The following KIRREL3 variants were observed in gnomAD, a reference collection of about 807,000 sequenced individuals.
KIRREL3 encodes the protein kin of IRRE-like protein 3.
KIRREL3 carries 36 observed loss-of-function variants against 89.7 expected under a neutral mutation model. The observed-to-expected ratio is 0.40, with a 90% CI of 0.31 to 0.53. The LOEUF (loss-of-function observed/expected upper bound fraction) is 0.53. KIRREL3 is among the 20% of genes least tolerant of loss of function. The pLI, the probability that KIRREL3 is intolerant of heterozygous loss-of-function variation, is 0.49. For missense variants in KIRREL3, 864 were observed against 1,056.6 expected (o/e 0.82, Z 2.53); for synonymous variants, 445 against 441.4 (o/e 1.01, Z -0.10).
chr11:126,483,162 G>A (rs562073467), intron 4 of KIRREL3, among the ~76,000 whole-genome samples: 2 of 152,320 alleles, frequency 1.3e-5, no homozygotes, highest in African/African-American at 4.8e-5. Flanking sequence ...GGAACTCAAA[G>A]AGGAATGCAG....
chr11:126,922,091 ATATC>A (rs1408084807), intron 1 of KIRREL3, among the ~76,000 whole-genome samples: 13 of 147,322 alleles, frequency 8.8e-5, no homozygotes, highest in Middle Eastern at 3.7e-3. Flanking sequence ...TCATCTATCT[ATATC>A]TATCTATCGA....
At position 126,578,342 on chromosome 11, in the gene KIRREL3, A is replaced by G. The variant is rs1451263632; in HGVS notation, c.56-15430T>C. Among the ~76,000 whole-genome samples the G allele has an allele frequency of 6.6e-6, 1 of 152,180 alleles. No homozygotes were observed. Among genetic ancestry groups the G allele is most frequent in the Non-Finnish European group, 1.5e-5 (1 of 68,036 alleles). On this transcript the variant is annotated intron_variant, in intron 1 of 16. Coordinates refer to ENST00000525144, the MANE Select transcript of KIRREL3 (RefSeq NM_032531.4). The surrounding 1 kb of genome is among the most constrained non-coding windows in gnomAD (Gnocchi z 4.9). ...GGTCCTTCCTCAGTATCTCACAAAG[A>G]AAGAGGAGGGCAAAATGGGAATTCA...
At chr11:126,926,184 G>A (rs1387560207) in intron 1 of KIRREL3, among the ~76,000 whole-genome samples, 1 of 152,224 alleles carries the variant, frequency 6.6e-6, no homozygotes, top group Non-Finnish European at 1.5e-5. Flanking sequence ...AGGACAGGTG[G>A]GTGGCAGACG....
intron 1 of KIRREL3, among the ~76,000 whole-genome samples, chr11:126,758,587 A>G (rs1050436242): frequency 5.3e-5 from 8 of 152,220 alleles, no homozygotes; most frequent in Admixed American, 3.9e-4. Flanking sequence ...CCAAAGTGCT[A>G]ATCACCTTTT....
chr11:126,499,100 C>T (rs574531038), intron 4 of KIRREL3, among the ~76,000 whole-genome samples: 12 of 139,490 alleles, frequency 8.6e-5, no homozygotes, highest in South Asian at 2.2e-4. Context: ...TGCAGTGAGC[C>T]GAGATTGTGC....
At chr11:126,787,630 G>A (rs1271409985) in intron 1 of KIRREL3, among the ~76,000 whole-genome samples, 1 of 152,178 alleles carries the variant, frequency 6.6e-6, no homozygotes, top group Admixed American at 6.5e-5. Flanking sequence ...TTGGTTAGAT[G>A]GAAGGGATGG....
In KIRREL3 at chr11:126,697,290, G is replaced by A. The variant is rs1565658083; in HGVS notation, c.56-134378C>T. ...CTTCCTCTATTGCCCTAGGCCCTGG[G>A]GTGAACTGCAGCCAGCACTGGCCTT... is the stretch of plus-strand genomic sequence containing the variant. On this transcript the variant is annotated intron_variant, in intron 1 of 16. Coordinates refer to ENST00000525144, the MANE Select transcript of KIRREL3 (RefSeq NM_032531.4). This position sits in a 1 kb window ranked among gnomAD's most constrained non-coding sequence, Gnocchi z 4.2. Among the ~76,000 whole-genome samples, 1 of 152,212 alleles carries A rather than the reference G, an allele frequency of 6.6e-6. No individual in the cohort carries two copies. Among genetic ancestry groups the A allele is most frequent in the Non-Finnish European group, 1.5e-5 (1 of 68,038 alleles).
At chr11:126,950,936 A>G (rs1948757252) in intron 1 of KIRREL3, among the ~76,000 whole-genome samples, 1 of 152,252 alleles carries the variant, frequency 6.6e-6, no homozygotes, top group South Asian at 2.1e-4. Flanking sequence ...CTGCCCCAAG[A>G]GGGCAAAGAA....
rs556543435 is a variant in KIRREL3 at position 126,969,419 on chromosome 11, G to A, written c.55+31036C>T. Among the ~76,000 whole-genome samples, 5 of 152,138 alleles carry A rather than the reference G, an allele frequency of 3.3e-5. No individual in the cohort carries two copies. The South Asian group carries it at 1.0e-3, about 32-fold the overall frequency. On this transcript the variant is annotated intron_variant, in intron 1 of 16. Coordinates refer to ENST00000525144, the MANE Select transcript of KIRREL3 (RefSeq NM_032531.4). This position sits in a 1 kb window ranked among gnomAD's most constrained non-coding sequence, Gnocchi z 4.9. ...GTTTGGGGTGCTATGGGAACTCAGA[G>A]GAGGGAAAAAAGCCACTGAGGAGGT...
At chr11:126,524,545 G>A (rs1591676658) in intron 3 of KIRREL3, among the ~76,000 whole-genome samples, 1 of 152,156 alleles carries the variant, frequency 6.6e-6, no homozygotes, top group Non-Finnish European at 1.5e-5. Context: ...TAATGTCTGC[G>A]AAGTACCTGA....
chr11:126,644,287 T>G (rs1286210617), intron 1 of KIRREL3, among the ~76,000 whole-genome samples: 1 of 151,780 alleles, frequency 6.6e-6, no homozygotes, highest in Non-Finnish European at 1.5e-5. Context: ...GCTAATAGAG[T>G]TCAGGGACTG....
At position 126,526,467 on chromosome 11, in the gene KIRREL3, C is replaced by T. The variant is rs1265201121; in HGVS notation, c.283+71G>A. On this transcript the variant is annotated intron_variant, in intron 3 of 16. Transcript: ENST00000525144. This position sits in a 1 kb window ranked among gnomAD's most constrained non-coding sequence, Gnocchi z 5.7. ...AGACACCTGTGAAGATGGGTGCTCC[C>T]TAGGAAGGTGGATGGGTGAGTAAGG... 4.1e-6 allele frequency: 6 copies of T among 1,465,766 alleles called. No homozygotes were observed. The highest frequency in any genetic ancestry group is 4.7e-6 in the Non-Finnish European group (5 of 1,068,518). The allele number at this position is 1,465,766 out of a possible 1,614,324, so 90.8% of individuals were successfully genotyped here.
chr11:126,874,962 C>T (rs1945227802), intron 1 of KIRREL3, among the ~76,000 whole-genome samples: 1 of 152,156 alleles, frequency 6.6e-6, no homozygotes, highest in Non-Finnish European at 1.5e-5. Flanking sequence ...TGTCTCACTG[C>T]CCTAAATCGG....
At chr11:126,670,618 T>A (rs989292343) in intron 1 of KIRREL3, among the ~76,000 whole-genome samples, 2 of 152,216 alleles carry the variant, frequency 1.3e-5, no homozygotes, top group African/African-American at 4.8e-5. Context: ...ACAAGGTGAA[T>A]AAACAGAAGT....
rs780001345 is a variant in KIRREL3 at position 126,424,924 on chromosome 11, C to T, written c.1993G>A (p.Gly665Ser). 6.2e-6 allele frequency: 10 copies of T among 1,603,692 alleles called. No homozygotes were observed. The East Asian group carries it at 2.2e-4, about 36-fold the overall frequency. Residue 665 changes from glycine to serine, a missense_variant, in exon 17 of 17, where the codon GGC (glycine) becomes AGC (serine). Transcript: ENST00000525144. ...ATGCCTGTGGGCACACGCTGCTTGC[C>T]CGCAGGACGCAGGTCGGGCTGGCAG... ...SSCQPDLRPAGKQRVPTGMSF... is the reference protein window; with the variant it reads ...SSCQPDLRPASKQRVPTGMSF...
rs1018521348 is a variant in KIRREL3 at position 126,696,699 on chromosome 11, A to G, written c.56-133787T>C. On this transcript the variant is annotated intron_variant, in intron 1 of 16. Transcript: ENST00000525144. This position sits in a 1 kb window ranked among gnomAD's most constrained non-coding sequence, Gnocchi z 4.4. ...CTCATAAGGCCCTTGGCGAGTTGAC[A>G]TCAGGCTCCCTCTCTCCCAAAGCCA... Among the ~76,000 whole-genome samples, 1 of 152,168 alleles carries G rather than the reference A, an allele frequency of 6.6e-6. No individual in the cohort carries two copies. Among genetic ancestry groups the G allele is most frequent in the African/African-American group, 2.4e-5 (1 of 41,442 alleles).
chr11:126,705,474 C>T lies in KIRREL3; in HGVS notation c.56-142562G>A, dbSNP rs373297094. 1.3e-5 allele frequency among the ~76,000 whole-genome samples: 2 copies of T among 152,286 alleles called. No individual in the cohort carries two copies. Among genetic ancestry groups the T allele is most frequent in the South Asian group, 2.1e-4 (1 of 4,816 alleles). ...CTTCTCTCCCCATGTGATGTACCTG[C>T]TCCTGCTTCACCTTCTGCCATGATT... is the stretch of plus-strand genomic sequence containing the variant. On this transcript the variant is annotated intron_variant, in intron 1 of 16. Transcript: ENST00000525144. The surrounding 1 kb of genome is among the most constrained non-coding windows in gnomAD (Gnocchi z 4.3).
Position 126,459,049 on chromosome 11 carries a change from C to T in KIRREL3, c.743-2595G>A, listed in dbSNP as rs1956464128. Among the ~76,000 whole-genome samples, 1 of 152,066 alleles carries T rather than the reference C, an allele frequency of 6.6e-6. No homozygotes were observed. The highest frequency in any genetic ancestry group is 1.5e-5 in the Non-Finnish European group (1 of 68,012). ...GTGGGTTGGAGAAGTGGAGGTGGGG[C>T]AGAGGAGCTTGGGAATCGCCACCGG... On this transcript the variant is annotated intron_variant, in intron 6 of 16. Coordinates refer to ENST00000525144, the MANE Select transcript of KIRREL3 (RefSeq NM_032531.4). The surrounding 1 kb of genome is among the most constrained non-coding windows in gnomAD (Gnocchi z 4.8).
intron 1 of KIRREL3, among the ~76,000 whole-genome samples, chr11:126,690,361 G>T (rs1256121105): frequency 3.5e-5 from 5 of 144,474 alleles, no homozygotes; most frequent in East Asian, 4.0e-4. Flanking sequence ...TCTAAGCAGG[G>T]GTTTTTTTTT....
Sources: allele counts gnomAD v4.1 joint callset (sites outside exome capture counted in the v4.1 genomes callset), GRCh38; gene constraint gnomAD v4.1.1; non-coding constraint Gnocchi (gnomAD v3.1); transcripts MANE v1.5; gene names NCBI Gene and HGNC (gene_info 2026-07-23, HGNC 2026-07-21).